The following WBP1L variants were observed in gnomAD, a reference collection of about 807,000 sequenced individuals.
WBP1L encodes WW domain binding protein 1 like.
Under a neutral mutation model 33.7 loss-of-function variants are expected in WBP1L, and 17 were observed. The observed-to-expected ratio is 0.50, with a 90% CI of 0.34 to 0.76. The LOEUF is 0.76. Among genes scored for constraint, WBP1L ranks in the 30% least tolerant of loss-of-function variants. The pLI is 0.01. For synonymous variants in WBP1L, 173 were observed against 190.8 expected, an observed-to-expected ratio of 0.91 and a Z score of 0.77; for missense variants, 389 against 469.4, an observed-to-expected ratio of 0.83 and a Z score of 1.58.
intron 1 of WBP1L, among the ~76,000 whole-genome samples, chr10:102,755,139 G>A (rs976231288): frequency 2.0e-5 from 3 of 151,794 alleles, no homozygotes; most frequent in South Asian, 2.1e-4. Flanking sequence ...AACTAGAGAC[G>A]GGTTTCACCA....
chr10:102,754,867 G>C (rs940538988), intron 1 of WBP1L, among the ~76,000 whole-genome samples: 1 of 148,362 alleles, frequency 6.7e-6, no homozygotes, highest in Non-Finnish European at 1.5e-5. Context: ...ACAGTGTCCA[G>C]CTAATTTTGT....
At chr10:102,752,283 A>G (rs1208906308) in intron 1 of WBP1L, among the ~76,000 whole-genome samples, 1 of 152,168 alleles carries the variant, frequency 6.6e-6, no homozygotes, top group African/African-American at 2.4e-5. Flanking sequence ...TGGCCTTACC[A>G]GGTCCTGTTC....
intron 1 of WBP1L, among the ~76,000 whole-genome samples, chr10:102,747,846 A>G (rs1842882745): frequency 6.6e-6 from 1 of 152,102 alleles, no homozygotes. Context: ...ATATTTGACT[A>G]TGTTATTTAA....
chr10:102,790,802 C>T (rs530889052), intron 1 of WBP1L, among the ~76,000 whole-genome samples: 17 of 152,234 alleles, frequency 1.1e-4, no homozygotes, highest in Admixed American at 3.3e-4. Context: ...TGAGCCACCG[C>T]GCCTGGCCAA....
intron 1 of WBP1L, among the ~76,000 whole-genome samples, chr10:102,749,831 G>A (rs1842907986): frequency 6.6e-6 from 1 of 151,738 alleles, no homozygotes; most frequent in South Asian, 2.1e-4. Context: ...AGGCTGGAGT[G>A]CAATGGTGCA....
In WBP1L at chr10:102,768,695, T is replaced by G. The variant is rs1428413099; in HGVS notation, c.90+24552T>G. ...TGAGCCACCGCGCCCGGCCAGTTTT[T>G]TTTTTTTTTTGAGACAGAGTCTCGC... is the stretch of plus-strand genomic sequence containing the variant. On this transcript the variant is annotated intron_variant, in intron 1 of 3. Transcript: ENST00000448841. Among the ~76,000 whole-genome samples the G allele has an allele frequency of 1.9e-5, 2 of 106,254 alleles. 1 individual carries two copies. Among genetic ancestry groups the G allele is most frequent in the Non-Finnish European group, 3.8e-5 (2 of 52,448 alleles). 69.7% of individuals were successfully genotyped at this position (106,254 alleles called of 152,430 possible). A position where few individuals can be genotyped will look rare whatever the true frequency, so the allele number is the denominator to read the frequency against.
rs899097443 is a variant in WBP1L, at chr10:102,784,511, T to C, written c.91-13482T>C. Among the ~76,000 whole-genome samples, 12 of 149,344 alleles carry C rather than the reference T, an allele frequency of 8.0e-5. No homozygotes were observed. The South Asian group carries it at 8.7e-4, about 11-fold the overall frequency. ...CACAATCTTGGCTCACTGCAAGCTCTGCCTCCTGGGTTCACGCCTTTCTCC... is the reference window on the plus strand; with the variant it reads ...CACAATCTTGGCTCACTGCAAGCTCCGCCTCCTGGGTTCACGCCTTTCTCC... On this transcript the variant is annotated intron_variant, in intron 1 of 3. Coordinates refer to ENST00000448841, the MANE Select transcript of WBP1L (RefSeq NM_001083913.2).
chr10:102,745,618 G>A (rs148050393), intron 1 of WBP1L, among the ~76,000 whole-genome samples: 124 of 152,282 alleles, frequency 8.1e-4, no homozygotes, highest in Middle Eastern at 3.4e-3. Flanking sequence ...CATCCACATC[G>A]TAGCATGTAC....
chr10:102,765,761 G>A (rs1843098726), intron 1 of WBP1L, among the ~76,000 whole-genome samples: 1 of 152,220 alleles, frequency 6.6e-6, no homozygotes, highest in African/African-American at 2.4e-5. Flanking sequence ...TTGCATGTAA[G>A]AAGTGAGTGG....
At chr10:102,753,719 T>A (rs1379792660) in intron 1 of WBP1L, among the ~76,000 whole-genome samples, 2 of 152,242 alleles carry the variant, frequency 1.3e-5, no homozygotes, top group Non-Finnish European at 2.9e-5. Flanking sequence ...AGCTAAGTTT[T>A]GATTCAAGAT....
At chr10:102,747,745 C>T (rs556478889) in intron 1 of WBP1L, among the ~76,000 whole-genome samples, 4 of 152,236 alleles carry the variant, frequency 2.6e-5, no homozygotes, top group East Asian at 1.9e-4. Context: ...CCAGGCCGGT[C>T]GCAAACTCCT....
At chr10:102,762,438 C>T (rs1229796544) in intron 1 of WBP1L, among the ~76,000 whole-genome samples, 1 of 152,146 alleles carries the variant, frequency 6.6e-6, no homozygotes, top group South Asian at 2.1e-4. Flanking sequence ...AGTTCCTCTA[C>T]TTGAAAAAAT....
chr10:102,769,131 G>A (rs1272655514), intron 1 of WBP1L, among the ~76,000 whole-genome samples: 2 of 152,142 alleles, frequency 1.3e-5, no homozygotes, highest in Non-Finnish European at 2.9e-5. Context: ...CCTACAAGGT[G>A]TACGCCGCCA....
chr10:102,799,516 T>C (rs1300590636), intron 2 of WBP1L, among the ~76,000 whole-genome samples: 1 of 151,956 alleles, frequency 6.6e-6, no homozygotes, highest in Non-Finnish European at 1.5e-5. Context: ...GACGAGACAG[T>C]GTAGGATGCT....
intron 1 of WBP1L, among the ~76,000 whole-genome samples, chr10:102,749,726 T>C (rs1416274700): frequency 6.6e-6 from 1 of 151,980 alleles, no homozygotes. Flanking sequence ...CCTCCCAAAG[T>C]GCTGGGATTG....
At chr10:102,755,920 C>G (rs1435185960) in intron 1 of WBP1L, among the ~76,000 whole-genome samples, 2 of 151,490 alleles carry the variant, frequency 1.3e-5, no homozygotes, top group African/African-American at 4.8e-5. Flanking sequence ...TGGTGGGTGC[C>G]TGTAGTCCCA....
chr10:102,771,171 C>CA (rs1258265897), intron 1 of WBP1L, among the ~76,000 whole-genome samples: 1 of 152,162 alleles, frequency 6.6e-6, no homozygotes, highest in African/African-American at 2.4e-5. Context: ...AGACTGCCTA[C>CA]AAAAATGTTG....
intron 1 of WBP1L, among the ~76,000 whole-genome samples, chr10:102,782,896 A>C (rs188238143): frequency 1.3e-5 from 2 of 152,158 alleles, no homozygotes; most frequent in Non-Finnish European, 2.9e-5. Context: ...CTGGCATTGC[A>C]TCAAGGAGGC....
At chr10:102,799,975 A>C (rs1843632160) in intron 2 of WBP1L, among the ~76,000 whole-genome samples, 2 of 152,260 alleles carry the variant, frequency 1.3e-5, no homozygotes, top group South Asian at 4.1e-4. Flanking sequence ...TTTCTGAGGA[A>C]TTCCAGGAGC....
Sources: gnomAD v4.1 joint callset for allele counts (sites outside exome capture counted in the v4.1 genomes callset) on GRCh38, gnomAD v4.1.1 for gene constraint, MANE v1.5 for transcripts, NCBI Gene and HGNC (gene_info 2026-07-23, HGNC 2026-07-21) for gene names.